The following SMYD3 variants were observed in gnomAD, a reference collection of about 807,000 sequenced individuals.
The protein encoded by SMYD3 is SET and MYND domain containing 3, also known as histone-lysine N-methyltransferase SMYD3.
A neutral mutation model predicts 57.7 loss-of-function variants in SMYD3; 36 were observed. The observed-to-expected ratio is 0.62, with a 90% CI of 0.48 to 0.82. The LOEUF (loss-of-function observed/expected upper bound fraction) is 0.82, where lower values mean the gene tolerates loss of function less well. Among genes scored for constraint, SMYD3 ranks in the 40% least tolerant of loss-of-function variants. The pLI is 0.00. For synonymous variants in SMYD3, 211 were observed against 195.0 expected (o/e 1.08, Z -0.68); for missense variants, 515 against 538.8 (o/e 0.96, Z 0.44).
At chr1:245,927,425 G>C (rs1041301853) in intron 7 of SMYD3, among the ~76,000 whole-genome samples, 1 of 152,180 alleles carries the variant, frequency 6.6e-6, no homozygotes, top group South Asian at 2.1e-4. Context: ...GGTTTGTCAA[G>C]TCCCAATGTC....
intron 5 of SMYD3, among the ~76,000 whole-genome samples, chr1:246,211,768 G>T (rs185023224): frequency 6.6e-6 from 1 of 152,112 alleles, no homozygotes; most frequent in Non-Finnish European, 1.5e-5. Context: ...AAGTATATAC[G>T]TGCAGATATG....
intron 5 of SMYD3, among the ~76,000 whole-genome samples, chr1:246,122,847 G>A (rs2148032386): frequency 6.6e-6 from 1 of 152,242 alleles, no homozygotes; most frequent in South Asian, 2.1e-4. Context: ...ACACAATGAA[G>A]GGCGTAGCCA....
chr1:245,996,940 C>T (rs1361697486), intron 5 of SMYD3, among the ~76,000 whole-genome samples: 1 of 152,234 alleles, frequency 6.6e-6, no homozygotes, highest in Non-Finnish European at 1.5e-5. Flanking sequence ...CAGAACATGA[C>T]CTGCATCTCA....
chr1:246,154,066 C>T (rs754279687), intron 5 of SMYD3, among the ~76,000 whole-genome samples: 11 of 152,246 alleles, frequency 7.2e-5, no homozygotes, highest in Non-Finnish European at 1.3e-4. Flanking sequence ...TTACTGTGGC[C>T]TCATTACACT....
At chr1:246,031,770 T>C (rs2059682835) in intron 5 of SMYD3, among the ~76,000 whole-genome samples, 1 of 151,506 alleles carries the variant, frequency 6.6e-6, no homozygotes, top group South Asian at 2.1e-4. Flanking sequence ...AAGAAGCTGA[T>C]TTCAAAGGGT....
intron 1 of SMYD3, among the ~76,000 whole-genome samples, chr1:246,406,972 C>T (rs2066875564): frequency 6.6e-6 from 1 of 152,204 alleles, no homozygotes; most frequent in Non-Finnish European, 1.5e-5. Context: ...GACAGCAGCT[C>T]TCATTGTCCT....
chr1:246,136,731 T>A (rs2061671235), intron 5 of SMYD3, among the ~76,000 whole-genome samples: 1 of 152,086 alleles, frequency 6.6e-6, no homozygotes, highest in African/African-American at 2.4e-5. Flanking sequence ...ATAAAATGAA[T>A]GAATAAGTGA....
chr1:246,087,713 A>G (rs73139815), intron 5 of SMYD3, among the ~76,000 whole-genome samples: 1 of 152,176 alleles, frequency 6.6e-6, no homozygotes, highest in Non-Finnish European at 1.5e-5. Flanking sequence ...ACTTTCAACA[A>G]GTAAAACAAA....
At chr1:246,194,592 T>A (rs1405910260) in intron 5 of SMYD3, among the ~76,000 whole-genome samples, 1 of 152,166 alleles carries the variant, frequency 6.6e-6, no homozygotes, top group Non-Finnish European at 1.5e-5. Context: ...TCACAGACAT[T>A]ATCTCACGAG....
intron 5 of SMYD3, among the ~76,000 whole-genome samples, chr1:246,238,290 G>A (rs879703898): frequency 1.2e-4 from 18 of 152,116 alleles, no homozygotes; most frequent in Non-Finnish European, 2.2e-4. Context: ...CTGAGCTTCC[G>A]AAAGTGCTGT....
At chr1:246,079,053 T>G (rs1267654957) in intron 5 of SMYD3, among the ~76,000 whole-genome samples, 1 of 151,836 alleles carries the variant, frequency 6.6e-6, no homozygotes, top group Non-Finnish European at 1.5e-5. Flanking sequence ...GCAACTTTAT[T>G]AAGAAAGTAA....
At chr1:246,045,691 G>A (rs1358248891) in intron 5 of SMYD3, among the ~76,000 whole-genome samples, 1 of 152,124 alleles carries the variant, frequency 6.6e-6, no homozygotes, top group Non-Finnish European at 1.5e-5. Context: ...AGAATGAACA[G>A]GCAACCTACA....
intron 9 of SMYD3, among the ~76,000 whole-genome samples, chr1:245,862,089 G>A (rs2051579711): frequency 2.1e-5 from 2 of 97,322 alleles, no homozygotes; most frequent in Admixed American, 2.0e-4. Context: ...TTCCAGAGTT[G>A]ACTGTTTTCC....
chr1:246,286,897 A>C, intron 5 of SMYD3, among the ~76,000 whole-genome samples: 1 of 149,842 alleles, frequency 6.7e-6, no homozygotes, highest in Non-Finnish European at 1.5e-5. Context: ...TTTTTGAGAC[A>C]GTCTTGCTCT....
At chr1:245,969,373 C>G (rs1268403187) in intron 5 of SMYD3, among the ~76,000 whole-genome samples, 1 of 152,198 alleles carries the variant, frequency 6.6e-6, no homozygotes, top group Non-Finnish European at 1.5e-5. Context: ...AGTCCACAGG[C>G]CTTTGAGGCC....
At chr1:246,101,765 T>C (rs956471798) in intron 5 of SMYD3, among the ~76,000 whole-genome samples, 1 of 152,230 alleles carries the variant, frequency 6.6e-6, no homozygotes, top group Non-Finnish European at 1.5e-5. Context: ...TTAACATCTT[T>C]TCACTCTTCC....
intron 8 of SMYD3, among the ~76,000 whole-genome samples, chr1:245,894,003 T>C (rs539424453): frequency 1.1e-4 from 17 of 152,182 alleles, no homozygotes; most frequent in Non-Finnish European, 2.1e-4. Context: ...TTTGATATGG[T>C]TGTAGAGAGA....
At chr1:246,106,045 C>A (rs1471154433) in intron 5 of SMYD3, among the ~76,000 whole-genome samples, 4 of 152,164 alleles carry the variant, frequency 2.6e-5, no homozygotes, top group African/African-American at 7.2e-5. Flanking sequence ...GACTTAGCTG[C>A]CCAGCATGCC....
intron 10 of SMYD3, among the ~76,000 whole-genome samples, chr1:245,784,946 T>A: frequency 6.8e-6 from 1 of 147,104 alleles, no homozygotes; most frequent in South Asian, 2.2e-4. Context: ...GCCTCCCGGG[T>A]TCAAGGGATC....
Sources: gnomAD v4.1 joint callset for allele counts (sites outside exome capture counted in the v4.1 genomes callset) on GRCh38, gnomAD v4.1.1 for gene constraint, MANE v1.5 for transcripts, NCBI Gene and HGNC (gene_info 2026-07-23, HGNC 2026-07-21) for gene names.